TRIM50: variants seen among roughly 807,000 people sequenced by gnomAD.
TRIM50 encodes the protein tripartite motif containing 50, also known as E3 ubiquitin-protein ligase TRIM50.
TRIM50 carries 34 observed loss-of-function variants against 44.9 expected under a neutral mutation model. The observed-to-expected ratio is 0.76, with a 90% CI of 0.58 to 1.01. The LOEUF (loss-of-function observed/expected upper bound fraction) is 1.01, where lower values mean the gene tolerates loss of function less well. TRIM50 is among the 50% of genes least tolerant of loss of function. The pLI is 0.00. For synonymous variants in TRIM50, 307 were observed against 291.1 expected, an observed-to-expected ratio of 1.05 and a Z score of -0.56; for missense variants, 633 against 663.7, an observed-to-expected ratio of 0.95 and a Z score of 0.51.
At chr7:73,320,356 G>A in intron 2 of TRIM50, 114 bp from the exon 3 acceptor site, 2 of 1,517,010 alleles carry the variant, frequency 1.3e-6, no homozygotes, top group Non-Finnish European at 1.8e-6. Context: ...GGAAACCAGG[G>A]CGGGAACCAG....
At chr7:73,317,350 A>T (rs1804387067) in intron 5 of TRIM50, among the ~76,000 whole-genome samples, 2 of 136,854 alleles carry the variant, frequency 1.5e-5, no homozygotes, top group Non-Finnish European at 3.1e-5. Flanking sequence ...CACCATGCCA[A>T]GACTTTTTTT....
chr7:73,313,028 T>C lies in TRIM50; in HGVS notation c.1357A>G (p.Ile453Val). 1 of 1,566,232 alleles carries C rather than the reference T, an allele frequency of 6.4e-7. No individual in the cohort carries two copies. Among genetic ancestry groups the C allele is most frequent in the Non-Finnish European group, 8.7e-7 (1 of 1,155,406 alleles). ...CTCTCGTGCCAGCAGGTGTCCAGGA[T>C]GGGGTAGAGCTTGCCCTGGAAGTCG... Reference protein sequence around the residue: ...QADFQGKLYPILDTCWHERGS... With the variant: ...QADFQGKLYPVLDTCWHERGS... Residue 453 changes from isoleucine to valine, a missense_variant, in exon 7 of 7, where the codon ATC becomes GTC. By Grantham distance (29) the Ile-to-Val change is conservative. Coordinates refer to ENST00000333149, the MANE Select transcript of TRIM50 (RefSeq NM_178125.3). The surrounding 1 kb of genome is among the most constrained non-coding windows in gnomAD (Gnocchi z 4.9).
At position 73,320,244 on chromosome 7, in the gene TRIM50, T is replaced by C. The variant is rs782616827; in HGVS notation, c.400-2A>G. ...AGAGATGAGGGCTGCGAGCTCCTCCTGGAGGCAACAGGCCATGGCCCCATG... is the reference window on the plus strand; with the variant it reads ...AGAGATGAGGGCTGCGAGCTCCTCCCGGAGGCAACAGGCCATGGCCCCATG... On this transcript the variant is annotated splice_acceptor_variant, in intron 2 of 6. Coordinates refer to ENST00000333149, the MANE Select transcript of TRIM50 (RefSeq NM_178125.3). LOFTEE classifies it high-confidence loss of function. 3 of 1,614,018 alleles carry C rather than the reference T, an allele frequency of 1.9e-6. No homozygotes were observed. The highest frequency in any genetic ancestry group is 2.5e-6 in the Non-Finnish European group (3 of 1,179,874).
At position 73,328,055 on chromosome 7, in the gene TRIM50, C is replaced by T; in HGVS notation, c.-174G>A. ...CGCTATGGTTACATGCCCCGCCTCG[C>T]GCTACCGCGCGTGCCCCATCATGCT... On this transcript the variant is annotated 5_prime_UTR_variant, in exon 1 of 7. Coordinates refer to ENST00000333149, the MANE Select transcript of TRIM50 (RefSeq NM_178125.3). 1 of 783,558 alleles carries T rather than the reference C, an allele frequency of 1.3e-6. No homozygotes were observed. Among genetic ancestry groups the T allele is most frequent in the Non-Finnish European group, 2.1e-6 (1 of 487,450 alleles). The allele number at this position is 783,558 out of a possible 1,614,324, so 48.5% of individuals were successfully genotyped here. A position where few individuals can be genotyped will look rare whatever the true frequency, so the allele number is the denominator to read the frequency against.
chr7:73,328,036 G>C lies in TRIM50; in HGVS notation c.-155C>G. 1.4e-6 allele frequency: 1 copy of C among 702,296 alleles called. No individual in the cohort carries two copies. 43.5% of individuals were successfully genotyped at this position (702,296 alleles called of 1,614,324 possible). ...TGCCTCATCATGACCCGCACGCTAT[G>C]GTTACATGCCCCGCCTCGCGCTACC... is the stretch of plus-strand genomic sequence containing the variant. On this transcript the variant is annotated 5_prime_UTR_variant, in exon 1 of 7. Coordinates refer to ENST00000333149, the MANE Select transcript of TRIM50 (RefSeq NM_178125.3).
chr7:73,318,362 C>G (rs1213507045), intron 5 of TRIM50, among the ~76,000 whole-genome samples: 2 of 152,110 alleles, frequency 1.3e-5, no homozygotes, highest in Non-Finnish European at 2.9e-5. Flanking sequence ...GTCTCGAACT[C>G]CTGGCCTCAA....
chr7:73,315,455 G>A (rs1804334408), intron 6 of TRIM50, among the ~76,000 whole-genome samples: 2 of 151,036 alleles, frequency 1.3e-5, no homozygotes, highest in African/African-American at 2.4e-5. Flanking sequence ...CAACTCCTGG[G>A]CTCAAGCAAT....
rs1219442566 is a variant in TRIM50, at chr7:73,313,666, C to T, written c.875-156G>A. Among the ~76,000 whole-genome samples, 1 of 141,318 alleles carries T rather than the reference C, an allele frequency of 7.1e-6. No homozygotes were observed. Among genetic ancestry groups the T allele is most frequent in the African/African-American group, 2.6e-5 (1 of 38,746 alleles). The allele number at this position is 141,318 out of a possible 152,430, so 92.7% of individuals were successfully genotyped here. On this transcript the variant is annotated intron_variant, in intron 6 of 6. Coordinates refer to ENST00000333149, the MANE Select transcript of TRIM50 (RefSeq NM_178125.3). The surrounding 1 kb of genome is among the most constrained non-coding windows in gnomAD (Gnocchi z 4.9). The stretch of plus-strand genomic sequence containing the variant: ...TCTAGAAGGGGCCAGTACAGGGCTG[C>T]TCCCTGAATGAATGAATGAATGAAT...
At position 73,328,026 on chromosome 7, in the gene TRIM50, C is replaced by G. The variant is rs765678713; in HGVS notation, c.-145G>C. 1 of 671,278 alleles carries G rather than the reference C, an allele frequency of 1.5e-6. No individual in the cohort carries two copies. The highest frequency in any genetic ancestry group is 1.8e-5 in the South Asian group (1 of 54,506). The allele number at this position is 671,278 out of a possible 1,614,324, so 41.6% of individuals were successfully genotyped here. Reference sequence around the variant, plus strand: ...CCCACGTCCGTGCCTCATCATGACCCGCACGCTATGGTTACATGCCCCGCC... The same window carrying G: ...CCCACGTCCGTGCCTCATCATGACCGGCACGCTATGGTTACATGCCCCGCC... On this transcript the variant is annotated 5_prime_UTR_variant, in exon 1 of 7. Transcript: ENST00000333149.
In TRIM50 at chr7:73,313,064, T is replaced by C. The variant is rs782052255; in HGVS notation, c.1321A>G (p.Thr441Ala). Residue 441 changes from threonine (T) to alanine (A), a missense_variant, in exon 7 of 7, where the codon ACC becomes GCC. By Grantham distance (58) the Thr-to-Ala change is moderately conservative. Transcript: ENST00000333149. This position sits in a 1 kb window ranked among gnomAD's most constrained non-coding sequence, Gnocchi z 4.9. ...DRPDDLRPLY[T>A]FQADFQGKLY... is the part of the protein sequence containing the mutation. The stretch of plus-strand genomic sequence containing the variant: ...TTGCCCTGGAAGTCGGCCTGGAAGG[T>C]GTAGAGCGGCCGCAGGTCATCGGGG... 12 of 1,585,018 alleles carry C rather than the reference T, an allele frequency of 7.6e-6. No individual in the cohort carries two copies. The highest frequency in any genetic ancestry group is 1.3e-5 in the African/African-American group (1 of 74,402).
At chr7:73,321,581 G>A (rs1209981887) in intron 2 of TRIM50, among the ~76,000 whole-genome samples, 14 of 152,094 alleles carry the variant, frequency 9.2e-5, no homozygotes, top group South Asian at 4.1e-4. Context: ...TGGACTGCCC[G>A]GGCCCCAAAC....
chr7:73,321,245 A>G (rs1804489390), intron 2 of TRIM50, among the ~76,000 whole-genome samples: 1 of 152,110 alleles, frequency 6.6e-6, no homozygotes, highest in African/African-American at 2.4e-5. Flanking sequence ...ACCCCTCTGC[A>G]TGACATGGAG....
chr7:73,316,546 G>A lies in TRIM50; in HGVS notation c.874+19C>T, dbSNP rs781923486. 1.2e-5 allele frequency: 20 copies of A among 1,613,638 alleles called. No individual in the cohort carries two copies. In the Middle Eastern group the frequency reaches 1.2e-3, roughly 93 times the overall value. ...CCTGGGCGGCAGCCCTCAGGAAGGA[G>A]GACGGGTCAGGGCCTCACCTGGCAA... On this transcript the variant is annotated intron_variant, in intron 6 of 6. Transcript: ENST00000333149.
intron 4 of TRIM50, 53 bp downstream of exon 4, chr7:73,318,769 G>T (rs1373966795): frequency 1.2e-6 from 2 of 1,613,892 alleles, no homozygotes; most frequent in African/African-American, 2.7e-5. Flanking sequence ...GCACTGTTGG[G>T]AAGGGGAAGG....
At chr7:73,321,206 C>T (rs1554544983) in intron 2 of TRIM50, among the ~76,000 whole-genome samples, 1 of 152,068 alleles carries the variant, frequency 6.6e-6, no homozygotes, top group Non-Finnish European at 1.5e-5. Flanking sequence ...ACAGCAGGAA[C>T]TTCCCAGGCA....
intron 2 of TRIM50, among the ~76,000 whole-genome samples, chr7:73,320,850 C>T (rs527608761): frequency 6.7e-6 from 1 of 148,728 alleles, no homozygotes; most frequent in African/African-American, 2.5e-5. Flanking sequence ...CATGGAGAAA[C>T]CCTGTCTCTA....
In TRIM50 at chr7:73,320,230, C is replaced by A; in HGVS notation, c.412G>T (p.Ala138Ser). The stretch of plus-strand genomic sequence containing the variant: ...TCCTGCTTCAGCTCAGAGATGAGGG[C>A]TGCGAGCTCCTCCTGGAGGCAACAG... The part of the protein sequence containing the change: ...VYSRMKEELA[A>S]LISELKQEQK... Residue 138 changes from alanine to serine, a missense_variant, in exon 3 of 7, where the codon GCC becomes TCC. By Grantham distance (99) the Ala-to-Ser change is moderately conservative. Transcript: ENST00000333149. The A allele has an allele frequency of 6.2e-7, 1 of 1,613,966 alleles. No homozygotes were observed. Among genetic ancestry groups the A allele is most frequent in the Non-Finnish European group, 8.5e-7 (1 of 1,179,872 alleles).
At chr7:73,323,097 G>C (rs13240664) in intron 2 of TRIM50, among the ~76,000 whole-genome samples, 2 of 152,086 alleles carry the variant, frequency 1.3e-5, no homozygotes, top group Non-Finnish European at 2.9e-5. Flanking sequence ...AGTTCCCATC[G>C]ACTTAGGTCC....
Position 73,320,256 on chromosome 7 carries a change from G to C in TRIM50, c.400-14C>G. On this transcript the variant is annotated splice_polypyrimidine_tract_variant and intron_variant, in intron 2 of 6. Transcript: ENST00000333149. Reference sequence around the variant, plus strand: ...TGCGAGCTCCTCCTGGAGGCAACAGGCCATGGCCCCATGAGCAGCTGATCC... The same window carrying C: ...TGCGAGCTCCTCCTGGAGGCAACAGCCCATGGCCCCATGAGCAGCTGATCC... The C allele has an allele frequency of 1.2e-6, 2 of 1,613,972 alleles. No homozygotes were observed. Among genetic ancestry groups the C allele is most frequent in the Non-Finnish European group, 1.7e-6 (2 of 1,179,868 alleles).
Sources: allele counts gnomAD v4.1 joint callset (sites outside exome capture counted in the v4.1 genomes callset), GRCh38; gene constraint gnomAD v4.1.1; non-coding constraint Gnocchi (gnomAD v3.1); transcripts MANE v1.5; gene names NCBI Gene and HGNC (gene_info 2026-07-23, HGNC 2026-07-21).